PARVA: variants seen among roughly 807,000 people sequenced by gnomAD.
PARVA encodes parvin alpha, also known as alpha-parvin.
In PARVA, 25 loss-of-function variants were observed where a neutral mutation model predicts 52.6. The ratio of observed to expected loss-of-function variants is 0.48; its 90% CI spans 0.35 to 0.66. The LOEUF is 0.66. Ranked by LOEUF, PARVA falls within the 30% of genes least tolerant of loss-of-function variation. The pLI is 0.01. For missense variants in PARVA, 373 were observed against 450.9 expected (o/e 0.83, Z 1.56); for synonymous variants, 185 against 179.1 (o/e 1.03, Z -0.26).
intron 12 of PARVA, among the ~76,000 whole-genome samples, chr11:12,521,300 T>C (rs1347964819): frequency 1.3e-5 from 2 of 152,132 alleles, no homozygotes; most frequent in Non-Finnish European, 2.9e-5. Context: ...AATGTTCAAC[T>C]CCCCCATTCC....
At chr11:12,393,655 T>C (rs1190540577) in intron 1 of PARVA, among the ~76,000 whole-genome samples, 1 of 152,118 alleles carries the variant, frequency 6.6e-6, no homozygotes, top group Non-Finnish European at 1.5e-5. Context: ...ATGTGGCGTA[T>C]GTCACATCTG....
chr11:12,517,303 A>ACCCCCCCCCCCCCCCCCCCCCCCCCC (rs1564869136), intron 10 of PARVA, among the ~76,000 whole-genome samples: 1 of 112,486 alleles, frequency 8.9e-6, no homozygotes, highest in Non-Finnish European at 1.8e-5. Context: ...AGCCACACTG[A>ACCCCCCCCCCCCCCCCCCCCCCCCCC]CCACCCCCCA....
At chr11:12,382,683 G>A (rs1187523425) in intron 1 of PARVA, among the ~76,000 whole-genome samples, 1 of 152,172 alleles carries the variant, frequency 6.6e-6, no homozygotes, top group Non-Finnish European at 1.5e-5. Context: ...GTCCAAGAGA[G>A]AACAAGGGTT....
chr11:12,419,280 C>T (rs1258277405), intron 1 of PARVA, among the ~76,000 whole-genome samples: 1 of 152,080 alleles, frequency 6.6e-6, no homozygotes, highest in Non-Finnish European at 1.5e-5. Flanking sequence ...CCATTCTCCC[C>T]ACCCCCCAGG....
At chr11:12,501,717 C>T (rs903332946) in intron 5 of PARVA, among the ~76,000 whole-genome samples, 2 of 152,096 alleles carry the variant, frequency 1.3e-5, no homozygotes, top group African/African-American at 2.4e-5. Context: ...TCTTTGTACA[C>T]GTAGCGTAGT....
chr11:12,519,953 G>T (rs1941616684), intron 12 of PARVA, among the ~76,000 whole-genome samples: 2 of 152,140 alleles, frequency 1.3e-5, no homozygotes, highest in South Asian at 4.1e-4. Context: ...CCCTGCTTCT[G>T]GGAGGACAGA....
intron 1 of PARVA, among the ~76,000 whole-genome samples, chr11:12,466,697 G>A (rs745318067): frequency 1.6e-4 from 24 of 151,558 alleles, no homozygotes; most frequent in Non-Finnish European, 2.4e-4. Context: ...TTATCCAACC[G>A]TAGGTCACAC....
intron 4 of PARVA, chr11:12,478,242 C>G (rs550801246): frequency 1.4e-5 from 6 of 434,204 alleles, no homozygotes; most frequent in African/African-American, 8.0e-5. Context: ...CTAGAAAGCA[C>G]GCCTCCGCCT....
chr11:12,527,518 C>T (rs551608747), intron 12 of PARVA, among the ~76,000 whole-genome samples: 2 of 152,022 alleles, frequency 1.3e-5, no homozygotes, highest in Non-Finnish European at 2.9e-5. Flanking sequence ...CTAATGCACC[C>T]CCTGGTCTTC....
At chr11:12,485,421 G>T (rs1941145095) in intron 4 of PARVA, among the ~76,000 whole-genome samples, 1 of 152,092 alleles carries the variant, frequency 6.6e-6, no homozygotes, top group Non-Finnish European at 1.5e-5. Flanking sequence ...CTGGGGCAGG[G>T]AATGTAGATG....
intron 1 of PARVA, among the ~76,000 whole-genome samples, chr11:12,461,621 G>C (rs1940782247): frequency 6.6e-6 from 1 of 152,200 alleles, no homozygotes; most frequent in Non-Finnish European, 1.5e-5. Context: ...ACTGCCTGAA[G>C]CCATCCAATG....
At chr11:12,400,331 A>G (rs1164415441) in intron 1 of PARVA, among the ~76,000 whole-genome samples, 1 of 152,220 alleles carries the variant, frequency 6.6e-6, no homozygotes, top group Non-Finnish European at 1.5e-5. Flanking sequence ...GCATAAACCC[A>G]TTTATATTTC....
chr11:12,442,225 G>A (rs749525110), intron 1 of PARVA, among the ~76,000 whole-genome samples: 1 of 152,236 alleles, frequency 6.6e-6, no homozygotes, highest in African/African-American at 2.4e-5. Context: ...GGCAGTGCCC[G>A]ATGCTGCTGT....
At chr11:12,377,231 G>A, upstream of PARVA, 1 of 355,580 alleles carries the variant, frequency 2.8e-6, no homozygotes, top group East Asian at 4.9e-5. Flanking sequence ...CCGCCGGCTG[G>A]AAGACCCCGG....
chr11:12,395,093 A>G (rs184927459), intron 1 of PARVA, among the ~76,000 whole-genome samples: 58 of 120,398 alleles, frequency 4.8e-4, no homozygotes, highest in African/African-American at 7.4e-4. Flanking sequence ...CTCCATCTCA[A>G]AAAAAAAAAA....
chr11:12,446,587 T>A (rs987642428), intron 1 of PARVA, among the ~76,000 whole-genome samples: 1 of 152,208 alleles, frequency 6.6e-6, no homozygotes, highest in African/African-American at 2.4e-5. Context: ...GACTTAAATA[T>A]ATTAAAACAG....
rs2135101295 is a variant in PARVA at position 12,534,569 on chromosome 11, A to G, written c.*6644A>G. Among the ~76,000 whole-genome samples, 1 of 152,332 alleles carries G rather than the reference A, an allele frequency of 6.6e-6. No individual in the cohort carries two copies. Among genetic ancestry groups the G allele is most frequent in the African/African-American group, 2.4e-5 (1 of 41,580 alleles). On this transcript the variant is annotated 3_prime_UTR_variant, in exon 13 of 13. Transcript: ENST00000334956. ...TTTTCATTTCTTTTTATTGATCTTCATGTTTTCACATCTTGAGATGCAATT... is the reference window on the plus strand; with the variant it reads ...TTTTCATTTCTTTTTATTGATCTTCGTGTTTTCACATCTTGAGATGCAATT...
rs199582022 is a variant in PARVA at position 12,436,729 on chromosome 11, T to C, written c.137-37016T>C. 3.9e-5 allele frequency among the ~76,000 whole-genome samples: 6 copies of C among 152,212 alleles called. No homozygotes were observed. In the East Asian group the frequency reaches 1.2e-3, roughly 29 times the overall value. Reference sequence around the variant, plus strand: ...GGGGCAGGAAGGGTATTCAGCAGGTTGTTGCTGGAACCAGACCCTGATCTG... The same window carrying C: ...GGGGCAGGAAGGGTATTCAGCAGGTCGTTGCTGGAACCAGACCCTGATCTG... On this transcript the variant is annotated intron_variant, in intron 1 of 12. Transcript: ENST00000334956.
intron 1 of PARVA, among the ~76,000 whole-genome samples, chr11:12,431,433 T>C (rs557058784): frequency 6.6e-6 from 1 of 152,270 alleles, no homozygotes; most frequent in Non-Finnish European, 1.5e-5. Context: ...ACCCATCTGA[T>C]TTTTGGTTTT....
Sources: gnomAD v4.1 joint callset for allele counts (sites outside exome capture counted in the v4.1 genomes callset) on GRCh38, gnomAD v4.1.1 for gene constraint, MANE v1.5 for transcripts, NCBI Gene and HGNC (gene_info 2026-07-23, HGNC 2026-07-21) for gene names.